The following NEB variants were observed in gnomAD, a reference collection of about 807,000 sequenced individuals.
NEB encodes nemaline myopathy type 2.
Under a neutral mutation model 952.2 loss-of-function variants are expected in NEB, and 512 were observed. That is an observed-to-expected ratio of 0.54 (90% CI 0.50 to 0.58). NEB has a LOEUF of 0.58. Among genes scored for constraint, NEB ranks in the 20% least tolerant of loss-of-function variants. The pLI is 0.00. For missense variants in NEB, 8,428 were observed against 9,231.1 expected (o/e 0.91, Z 3.56); for synonymous variants, 2,900 against 3,149.8 (o/e 0.92, Z 2.66).
At chr2:151,706,597 G>C (rs1490762928) in intron 13 of NEB, among the ~76,000 whole-genome samples, 1 of 152,012 alleles carries the variant, frequency 6.6e-6, no homozygotes, top group African/African-American at 2.4e-5. Flanking sequence ...CAGGTGCCCG[G>C]AGCTCATAAG....
At chr2:151,569,780 C>T (rs781402011) in intron 109 of NEB, among the ~76,000 whole-genome samples, 7 of 152,104 alleles carry the variant, frequency 4.6e-5, no homozygotes, top group African/African-American at 9.7e-5. Flanking sequence ...CATGGGCTGC[C>T]AATATTTTAC....
intron 142 of NEB, among the ~76,000 whole-genome samples, 189 bp from the exon 143 acceptor site, chr2:151,533,735 C>G (rs1439410274): frequency 6.6e-6 from 1 of 152,168 alleles, no homozygotes; most frequent in Non-Finnish European, 1.5e-5. Context: ...TTGCGGTTGG[C>G]CATTCATAGT....
At chr2:151,618,041 C>T (rs1055642672) in intron 74 of NEB, among the ~76,000 whole-genome samples, 5 of 152,034 alleles carry the variant, frequency 3.3e-5, no homozygotes, top group Non-Finnish European at 2.9e-5. Flanking sequence ...GCCTGGGCGA[C>T]GAGAACAAAA....
At position 151,669,141 on chromosome 2, in the gene NEB, A is replaced by C. The variant is rs1332236458; in HGVS notation, c.4507-10T>G. On this transcript the variant is annotated splice_polypyrimidine_tract_variant and intron_variant, in intron 38 of 181. Transcript: ENST00000397345. The stretch of plus-strand genomic sequence containing the variant: ...CTACCTTGTAGTTCAACTAAAAACA[A>C]AGGAGACAGCATGCACATATCATTA... The C allele has an allele frequency of 6.6e-7, 1 of 1,518,440 alleles. No homozygotes were observed. The allele number at this position is 1,518,440 out of a possible 1,614,324, so 94.1% of individuals were successfully genotyped here. A position where few individuals can be genotyped will look rare whatever the true frequency, so the allele number is the denominator to read the frequency against.
chr2:151,533,694 A>G (rs575162285), intron 142 of NEB, 148 bp from the exon 143 acceptor site: 1 of 587,810 alleles, frequency 1.7e-6, no homozygotes, highest in Non-Finnish European at 3.0e-6. Flanking sequence ...CATCAAATAC[A>G]TTATAATGTG....
At position 151,687,773 on chromosome 2, in the gene NEB, C is replaced by T. The variant is rs758831952; in HGVS notation, c.2416-40G>A. 2.0e-6 allele frequency: 3 copies of T among 1,504,298 alleles called. No homozygotes were observed. In the East Asian group the frequency reaches 7.3e-5, roughly 37 times the overall value. 93.2% of individuals were successfully genotyped at this position (1,504,298 alleles called of 1,614,324 possible). On this transcript the variant is annotated intron_variant, in intron 25 of 181. Coordinates refer to ENST00000397345, the MANE Select transcript of NEB (RefSeq NM_001164508.2). ...TTCAGCAAAGGAATGATAAGAACAA[C>T]AGTGTAATCCAGTAAAAAAATAAAA...
intron 34 of NEB, 101 bp from the exon 35 acceptor site, chr2:151,675,492 T>A: frequency 1.3e-6 from 1 of 758,338 alleles, no homozygotes; most frequent in Non-Finnish European, 2.1e-6. Flanking sequence ...TTTCTAGTGT[T>A]AAAAATCATC....
At chr2:151,733,227 T>C in intron 2 of NEB, 42 bp from the exon 3 acceptor site, 1 of 1,303,206 alleles carries the variant, frequency 7.7e-7, no homozygotes, top group Middle Eastern at 1.8e-4. Flanking sequence ...TAGAGTCTAT[T>C]CCCAGCACAG....
intron 13 of NEB, among the ~76,000 whole-genome samples, chr2:151,705,775 C>T (rs1427121320): frequency 6.6e-6 from 1 of 152,066 alleles, no homozygotes; most frequent in Non-Finnish European, 1.5e-5. Flanking sequence ...TTCAAAGCAA[C>T]TTGAATGGAG....
At position 151,494,155 on chromosome 2, in the gene NEB, CAA is replaced by C. The variant is rs1358362064; in HGVS notation, c.24579+4_24579+5del. 1 of 1,597,904 alleles carries C rather than the reference CAA, an allele frequency of 6.3e-7. No individual in the cohort carries two copies. Among genetic ancestry groups the C allele is most frequent in the Admixed American group, 1.7e-5 (1 of 58,356 alleles). Reference sequence around the variant, plus strand: ...TTAAAAGCACTTTTGTTTCTCAAGACAATACCGAGCTAATGTTTTCTTGATTG... The same window carrying C: ...TTAAAAGCACTTTTGTTTCTCAAGACTACCGAGCTAATGTTTTCTTGATTG... On this transcript the variant is annotated splice_donor_5th_base_variant and intron_variant, in intron 174 of 181. Transcript: ENST00000397345.
At chr2:151,576,410 G>A in intron 105 of NEB, 56 bp from the exon 106 acceptor site, 1 of 1,237,884 alleles carries the variant, frequency 8.1e-7, no homozygotes, top group Non-Finnish European at 1.1e-6. Flanking sequence ...GTATGTGTGT[G>A]GTAAAATAAG....
intron 78 of NEB, among the ~76,000 whole-genome samples, chr2:151,611,535 T>A (rs1419690721): frequency 1.3e-5 from 2 of 152,212 alleles, no homozygotes; most frequent in Non-Finnish European, 2.9e-5. Context: ...TGTACTAGCC[T>A]AATGATTGGA....
intron 29 of NEB, among the ~76,000 whole-genome samples, 164 bp from the exon 30 acceptor site, chr2:151,680,992 T>C (rs1182889239): frequency 6.6e-6 from 1 of 152,166 alleles, no homozygotes; most frequent in East Asian, 1.9e-4. Flanking sequence ...AATACAAAAG[T>C]CAATATCTTT....
intron 135 of NEB, among the ~76,000 whole-genome samples, chr2:151,543,382 T>C (rs2153586101): frequency 6.6e-6 from 1 of 152,296 alleles, no homozygotes; most frequent in East Asian, 1.9e-4. Flanking sequence ...ACTCATGTGT[T>C]TGGGGCTGTT....
At chr2:151,493,661 G>T in intron 175 of NEB, 114 bp downstream of exon 175, 1 of 919,482 alleles carries the variant, frequency 1.1e-6, no homozygotes, top group East Asian at 2.7e-5. Context: ...GGACAAGGAA[G>T]AATTTTTAAA....
chr2:151,561,597 A>T lies in NEB; in HGVS notation c.18997-285T>A, dbSNP rs560136842. On this transcript the variant is annotated intron_variant, in intron 121 of 181. Coordinates refer to ENST00000397345, the MANE Select transcript of NEB (RefSeq NM_001164508.2). ...CTTTTTTTTTTTTTTGGTTTCGAAC[A>T]CTTTTTTTTTTTTATTATTATACTT... is the stretch of plus-strand genomic sequence containing the variant. 4.3e-3 allele frequency among the ~76,000 whole-genome samples: 609 copies of T among 140,630 alleles called. 10 individuals are homozygous for T. Among genetic ancestry groups the T allele is most frequent in the East Asian group, 0.043 (205 of 4,778 alleles). 92.3% of individuals were successfully genotyped at this position (140,630 alleles called of 152,430 possible).
chr2:151,720,390 T>C (rs1338961115), intron 9 of NEB, among the ~76,000 whole-genome samples: 1 of 152,220 alleles, frequency 6.6e-6, no homozygotes, highest in Non-Finnish European at 1.5e-5. Context: ...AAGTTCATAG[T>C]ACTGACAACA....
intron 67 of NEB, among the ~76,000 whole-genome samples, chr2:151,630,383 T>C (rs982851753): frequency 1.6e-4 from 24 of 152,202 alleles, no homozygotes; most frequent in Admixed American, 6.5e-5. Context: ...TTTACTGATG[T>C]ATCTAATTGG....
intron 121 of NEB, 83 bp from the exon 122 acceptor site, chr2:151,561,395 G>A (rs2096034448): frequency 1.1e-6 from 1 of 926,430 alleles, no homozygotes; most frequent in South Asian, 1.4e-5. Flanking sequence ...ACTTACATGT[G>A]CCTTTATTTC....
Sources: allele counts gnomAD v4.1 joint callset (sites outside exome capture counted in the v4.1 genomes callset), GRCh38; gene constraint gnomAD v4.1.1; transcripts MANE v1.5; gene names NCBI Gene and HGNC (gene_info 2026-07-23, HGNC 2026-07-21).